TRMT2B: variants seen among roughly 807,000 people sequenced by gnomAD.
The protein encoded by TRMT2B is tRNA methyltransferase 2B, also known as tRNA (uracil-5-)-methyltransferase homolog B.
Under a neutral mutation model 39.7 loss-of-function variants are expected in TRMT2B, and 34 were observed. The observed-to-expected ratio is 0.86, with a 90% CI of 0.65 to 1.14. The LOEUF (loss-of-function observed/expected upper bound fraction) is 1.14, where lower values mean the gene tolerates loss of function less well. Ranked by LOEUF, TRMT2B falls within the 50% of genes most tolerant of loss-of-function variation. TRMT2B has a pLI of 0.00. For synonymous variants in TRMT2B, 132 were observed against 137.3 expected, an observed-to-expected ratio of 0.96 and a Z score of 0.27; for missense variants, 318 against 377.2, an observed-to-expected ratio of 0.84 and a Z score of 1.30.
chrX:100,995,484 G>A, the TRMT2B span, among the ~76,000 whole-genome samples: 4 of 112,048 alleles, frequency 3.6e-5, no homozygotes, highest in Non-Finnish European at 7.5e-5. Context: ...CCTGTGCCCA[G>A]TAAGTGCCAG....
At chrX:100,980,885 C>T in the TRMT2B span, among the ~76,000 whole-genome samples, 1 of 111,870 alleles carries the variant, frequency 8.9e-6, no homozygotes, top group South Asian at 3.8e-4. Context: ...CTAGAAATGT[C>T]ATCGGGGAGC....
downstream of TRMT2B, among the ~76,000 whole-genome samples, chrX:101,007,529 G>A (rs1479248445): frequency 2.7e-5 from 3 of 110,775 alleles, no homozygotes; most frequent in African/African-American, 6.5e-5. Context: ...GATGGCACAC[G>A]CCTGTTATCC....
rs2086746559 is a variant in TRMT2B at position 101,020,591 on chromosome X, G to A, written c.1067-3C>T. 2.5e-6 allele frequency: 3 copies of A among 1,181,819 alleles called. No homozygotes were observed. The highest frequency in any genetic ancestry group is 3.5e-6 in the Non-Finnish European group (3 of 868,382). Reference sequence around the variant, plus strand: ...AGCCAGAGAGAGGCCAATCACACCTGAAGAAGTAAACGAGAAGAAGAAGAA... The same window carrying A: ...AGCCAGAGAGAGGCCAATCACACCTAAAGAAGTAAACGAGAAGAAGAAGAA... On this transcript the variant is annotated splice_polypyrimidine_tract_variant and splice_region_variant and intron_variant, in intron 10 of 13. Transcript: ENST00000372936.
At chrX:101,042,856 A>T (rs1412654418) in intron 2 of TRMT2B, among the ~76,000 whole-genome samples, 1 of 111,372 alleles carries the variant, frequency 9.0e-6, no homozygotes, top group Non-Finnish European at 1.9e-5. Flanking sequence ...GCTGGGGTGC[A>T]GTGGCATGAT....
the TRMT2B span, among the ~76,000 whole-genome samples, chrX:100,980,917 C>T: frequency 1.8e-5 from 2 of 111,644 alleles, no homozygotes; most frequent in African/African-American, 6.5e-5. Flanking sequence ...ATGGGGGCTT[C>T]GGGACTCTGC....
At chrX:100,982,820 T>G in the TRMT2B span, among the ~76,000 whole-genome samples, 1 of 110,007 alleles carries the variant, frequency 9.1e-6, no homozygotes, top group Non-Finnish European at 1.9e-5. Context: ...GGAATCTGTA[T>G]CTTAACAAAC....
intron 4 of TRMT2B, among the ~76,000 whole-genome samples, chrX:101,039,905 A>AG (rs1556348996): frequency 9.1e-6 from 1 of 110,168 alleles, no homozygotes; most frequent in African/African-American, 3.3e-5. Flanking sequence ...TCTAAAAAAA[A>AG]AAAAGAAAAG....
intron 7 of TRMT2B, among the ~76,000 whole-genome samples, chrX:101,035,267 C>T (rs988132557): frequency 9.0e-6 from 1 of 111,592 alleles, no homozygotes; most frequent in Non-Finnish European, 1.9e-5. Flanking sequence ...ACCTCATATT[C>T]CTCAATTCTG....
At chrX:101,001,347 C>T in the TRMT2B span, among the ~76,000 whole-genome samples, 3 of 110,634 alleles carry the variant, frequency 2.7e-5, no homozygotes, top group Admixed American at 9.8e-5. Context: ...GTAATCCTCC[C>T]GCCTCATCCT....
At chrX:101,026,475 CA>C (rs55926567) in intron 7 of TRMT2B, among the ~76,000 whole-genome samples, 64 of 64,119 alleles carry the variant, frequency 1.0e-3, no homozygotes, top group East Asian at 3.8e-3. Context: ...AACTCCGTCT[CA>C]AAAAAAAAAA....
chrX:100,987,011 G>C, the TRMT2B span: 1 of 460,635 alleles, frequency 2.2e-6, no homozygotes, highest in Non-Finnish European at 3.7e-6. Flanking sequence ...GTCTCTCCCT[G>C]TCAGGCAACA....
At chrX:101,037,167 G>A in intron 5 of TRMT2B, 94 bp from the exon 6 acceptor site, 1 of 678,814 alleles carries the variant, frequency 1.5e-6, no homozygotes, top group South Asian at 2.4e-5. Flanking sequence ...CTCTGGATGA[G>A]GACAAATAAG....
Position 101,010,696 on chromosome X carries a change from G to A in TRMT2B, c.1400C>T (p.Pro467Leu). 2 of 1,210,433 alleles carry A rather than the reference G, an allele frequency of 1.7e-6. No individual in the cohort carries two copies. The highest frequency in any genetic ancestry group is 4.7e-4 in the Middle Eastern group (2 of 4,289). ...TAAGAGCTTCTTAGCAGGGTCTGGAGGACAGCACAGCCTGTAGAAACAGAA... is the reference window on the plus strand; with the variant it reads ...TAAGAGCTTCTTAGCAGGGTCTGGAAGACAGCACAGCCTGTAGAAACAGAA... The part of the protein sequence containing the change: ...STRNVIELCC[P>L]PDPAKKLLGE... The change falls in exon 14 of 14, where the codon CCT (proline) becomes CTT (leucine). Residue 467 changes from proline (P) to leucine (L), a missense_variant. Coordinates refer to ENST00000372936, the MANE Select transcript of TRMT2B (RefSeq NM_024917.6).
intron 2 of TRMT2B, among the ~76,000 whole-genome samples, chrX:101,044,417 C>T (rs1602675244): frequency 1.8e-5 from 2 of 111,265 alleles, no homozygotes; most frequent in Non-Finnish European, 3.8e-5. Flanking sequence ...GAAATACAAG[C>T]TGTAAGATGA....
chrX:101,022,357 A>C (rs1208756217), intron 8 of TRMT2B, among the ~76,000 whole-genome samples: 1 of 110,949 alleles, frequency 9.0e-6, no homozygotes, highest in Non-Finnish European at 1.9e-5. Flanking sequence ...GCGGCGGTTC[A>C]CACCTGTAAT....
chrX:100,992,928 C>T, the TRMT2B span, among the ~76,000 whole-genome samples: 1 of 111,958 alleles, frequency 8.9e-6, no homozygotes, highest in Admixed American at 9.5e-5. Flanking sequence ...AATGAACTAA[C>T]TCATAACTGC....
the TRMT2B span, among the ~76,000 whole-genome samples, chrX:100,977,682 T>C: frequency 1.8e-5 from 2 of 111,995 alleles, no homozygotes; most frequent in African/African-American, 6.5e-5. Context: ...CACCCGGCTG[T>C]GTCCTTCTAC....
chrX:100,986,958 G>A, the TRMT2B span: 1 of 850,314 alleles, frequency 1.2e-6, no homozygotes, highest in Non-Finnish European at 1.7e-6. Flanking sequence ...TGCAGCCCTT[G>A]GCCCATTCTA....
intron 7 of TRMT2B, among the ~76,000 whole-genome samples, chrX:101,032,065 C>A (rs2087503207): frequency 9.0e-6 from 1 of 110,852 alleles, no homozygotes. Flanking sequence ...GTGGGTAGAT[C>A]ATTTGAGGTC....
Sources: allele counts gnomAD v4.1 joint callset (sites outside exome capture counted in the v4.1 genomes callset), GRCh38; gene constraint gnomAD v4.1.1; transcripts MANE v1.5; gene names NCBI Gene and HGNC (gene_info 2026-07-23, HGNC 2026-07-21).